ROBO1: variants seen among roughly 807,000 people sequenced by gnomAD.
ROBO1 encodes roundabout guidance receptor 1.
ROBO1 carries 149 observed loss-of-function variants against 195.9 expected under a neutral mutation model. The ratio of observed to expected loss-of-function variants is 0.76; its 90% CI spans 0.67 to 0.87. The LOEUF (loss-of-function observed/expected upper bound fraction) is 0.87. ROBO1 is among the 40% of genes least tolerant of loss of function. The probability of loss-of-function intolerance (pLI) is 0.00; values close to 1 mark genes in which losing one functional copy is unlikely to be tolerated. For missense variants in ROBO1, 1,933 were observed against 2,068.3 expected (o/e 0.93, Z 1.27); for synonymous variants, 816 against 733.2 (o/e 1.11, Z -1.82).
At chr3:78,604,259 T>C (rs1229314231) in intron 29 of ROBO1, among the ~76,000 whole-genome samples, 2 of 151,862 alleles carry the variant, frequency 1.3e-5, no homozygotes, top group East Asian at 3.9e-4. Context: ...TTAGTAGAGA[T>C]GGGGTTTCAC....
chr3:79,619,748 C>T (rs1053505976), intron 1 of ROBO1, among the ~76,000 whole-genome samples: 3 of 152,104 alleles, frequency 2.0e-5, no homozygotes, highest in Non-Finnish European at 1.5e-5. Context: ...GCCTGTTTGG[C>T]AACAACCCTT....
At chr3:78,607,142 A>G in intron 28 of ROBO1, 101 bp from the exon 29 acceptor site, 7 of 1,123,586 alleles carry the variant, frequency 6.2e-6, no homozygotes, top group South Asian at 1.6e-5. Flanking sequence ...ACGAGATACT[A>G]TATCTTAGAT....
intron 2 of ROBO1, among the ~76,000 whole-genome samples, chr3:79,506,270 A>C (rs1050258599): frequency 2.0e-5 from 3 of 152,170 alleles, no homozygotes; most frequent in African/African-American, 7.2e-5. Flanking sequence ...ATCAATTAGA[A>C]GATTTTTAAG....
intron 1 of ROBO1, among the ~76,000 whole-genome samples, chr3:79,621,811 T>C (rs779778828): frequency 6.6e-6 from 1 of 152,160 alleles, no homozygotes; most frequent in African/African-American, 2.4e-5. Context: ...AAAAATCATA[T>C]GTAAATGAAA....
intron 14 of ROBO1, among the ~76,000 whole-genome samples, chr3:78,663,127 C>A (rs1707527723): frequency 6.6e-6 from 1 of 151,056 alleles, no homozygotes. Context: ...TTTAATGAAT[C>A]ATTAAATACC....
chr3:79,648,884 A>G (rs754579390), intron 1 of ROBO1, among the ~76,000 whole-genome samples: 6 of 152,060 alleles, frequency 3.9e-5, no homozygotes, highest in Non-Finnish European at 7.4e-5. Context: ...AGGTTTCTCA[A>G]TGGCCATATT....
chr3:78,725,632 T>G (rs969481311), intron 5 of ROBO1, among the ~76,000 whole-genome samples: 3 of 152,202 alleles, frequency 2.0e-5, no homozygotes, highest in African/African-American at 7.2e-5. Flanking sequence ...ATGTCTCTGG[T>G]TAGCATGGAA....
intron 4 of ROBO1, among the ~76,000 whole-genome samples, chr3:78,834,739 G>A (rs1332718023): frequency 6.6e-6 from 1 of 152,058 alleles, no homozygotes; most frequent in Non-Finnish European, 1.5e-5. Flanking sequence ...GACCTGAGGG[G>A]TTGACCTGGT....
chr3:78,631,043 C>T, intron 25 of ROBO1, 118 bp downstream of exon 25: 1 of 1,083,456 alleles, frequency 9.2e-7, no homozygotes, highest in African/African-American at 1.6e-5. Flanking sequence ...TATTTAAAGG[C>T]AACTGTTTGT....
intron 24 of ROBO1, among the ~76,000 whole-genome samples, chr3:78,632,358 AGCGTGG>A (rs1705235250): frequency 6.6e-6 from 1 of 152,194 alleles, no homozygotes; most frequent in Non-Finnish European, 1.5e-5. Context: ...TACCACACTA[AGCGTGG>A]GCTAGGGACA....
chr3:79,624,753 G>A (rs910666024), intron 1 of ROBO1, among the ~76,000 whole-genome samples: 1 of 151,982 alleles, frequency 6.6e-6, no homozygotes, highest in Non-Finnish European at 1.5e-5. Context: ...AATACTGGGA[G>A]ACTTTAACAC....
chr3:79,674,159 A>G (rs80195197), intron 1 of ROBO1, among the ~76,000 whole-genome samples: 2,157 of 152,158 alleles, frequency 0.014, 19 homozygotes, highest in Non-Finnish European at 0.023. Context: ...ATACTATGAT[A>G]TTCAGATTAA....
At chr3:78,895,993 A>G (rs981568918) in intron 4 of ROBO1, among the ~76,000 whole-genome samples, 5 of 152,224 alleles carry the variant, frequency 3.3e-5, no homozygotes, top group African/African-American at 1.2e-4. Context: ...AAAAGTAATT[A>G]TTCATCACCA....
intron 4 of ROBO1, among the ~76,000 whole-genome samples, chr3:78,782,098 T>C (rs2083693601): frequency 6.6e-6 from 1 of 152,204 alleles, no homozygotes; most frequent in African/African-American, 2.4e-5. Context: ...AATATGAACC[T>C]GTCATTTTCT....
intron 4 of ROBO1, among the ~76,000 whole-genome samples, chr3:78,916,970 G>A (rs914886454): frequency 2.0e-5 from 3 of 152,014 alleles, no homozygotes; most frequent in Non-Finnish European, 2.9e-5. Flanking sequence ...AATGACTTAA[G>A]CATTAGCAAA....
chr3:79,557,632 G>T (rs1191356201), intron 2 of ROBO1, among the ~76,000 whole-genome samples: 3 of 151,166 alleles, frequency 2.0e-5, no homozygotes, highest in South Asian at 2.1e-4. Flanking sequence ...TACTCAGGAG[G>T]CTGAGGAACG....
At chr3:79,176,455 T>A (rs2081263085) in intron 2 of ROBO1, among the ~76,000 whole-genome samples, 1 of 152,118 alleles carries the variant, frequency 6.6e-6, no homozygotes, top group Admixed American at 6.6e-5. Flanking sequence ...TATCTGAAGA[T>A]TATTATTACT....
At chr3:79,448,862 T>G (rs954828863) in intron 2 of ROBO1, among the ~76,000 whole-genome samples, 1 of 152,194 alleles carries the variant, frequency 6.6e-6, no homozygotes, top group African/African-American at 2.4e-5. Flanking sequence ...CTACGTTCAT[T>G]GATACCTCCA....
At chr3:79,514,320 C>A (rs538819686) in intron 2 of ROBO1, among the ~76,000 whole-genome samples, 2 of 152,240 alleles carry the variant, frequency 1.3e-5, no homozygotes, top group South Asian at 4.1e-4. Context: ...GTGGAGGAGT[C>A]AAATGAATTT....
Sources: gnomAD v4.1 joint callset for allele counts (sites outside exome capture counted in the v4.1 genomes callset) on GRCh38, gnomAD v4.1.1 for gene constraint, MANE v1.5 for transcripts, NCBI Gene and HGNC (gene_info 2026-07-23, HGNC 2026-07-21) for gene names.